Variants in DSCAM observed in about 807,000 individuals in gnomAD.
DSCAM encodes DS cell adhesion molecule.
In DSCAM, 47 loss-of-function variants were observed where a neutral mutation model predicts 217.7. The ratio of observed to expected loss-of-function variants is 0.22; its 90% CI spans 0.17 to 0.28. The LOEUF (loss-of-function observed/expected upper bound fraction) is 0.28. DSCAM is among the 10% of genes least tolerant of loss of function. The pLI is 1.00. For missense variants in DSCAM, 2,080 were observed against 2,618.3 expected, an observed-to-expected ratio of 0.79 and a Z score of 4.49; for synonymous variants, 1,056 against 1,015.3, an observed-to-expected ratio of 1.04 and a Z score of -0.76.
intron 3 of DSCAM, among the ~76,000 whole-genome samples, chr21:40,605,468 C>T (rs891514365): frequency 6.6e-5 from 10 of 152,118 alleles, no homozygotes; most frequent in South Asian, 2.1e-4. Context: ...CTTTTTCTTA[C>T]GAAGGGCCAA....
chr21:40,242,932 G>A (rs142661483), intron 11 of DSCAM, among the ~76,000 whole-genome samples: 5 of 152,226 alleles, frequency 3.3e-5, no homozygotes, highest in African/African-American at 9.6e-5. Flanking sequence ...TTCCAGCCAC[G>A]ACCAGGTCCT....
At chr21:40,764,834 G>A (rs2091371473) in intron 1 of DSCAM, among the ~76,000 whole-genome samples, 2 of 152,124 alleles carry the variant, frequency 1.3e-5, no homozygotes, top group African/African-American at 2.4e-5. Flanking sequence ...ATCATCCTCA[G>A]CAAACTAACA....
rs1174709036 is a variant in DSCAM at position 40,648,277 on chromosome 21, ACACACT to A, written c.508+44527_508+44532del. 6.5e-4 allele frequency among the ~76,000 whole-genome samples: 93 copies of A among 144,128 alleles called. No individual in the cohort carries two copies. In the East Asian group the frequency reaches 0.011, roughly 16 times the overall value. The allele number at this position is 144,128 out of a possible 152,430, so 94.6% of individuals were successfully genotyped here. A position where few individuals can be genotyped will look rare whatever the true frequency, so the allele number is the denominator to read the frequency against. On this transcript the variant is annotated intron_variant, in intron 3 of 32. Coordinates refer to ENST00000400454, the MANE Select transcript of DSCAM (RefSeq NM_001389.5). ...CACACACACACACACACACACACAC[ACACACT>A]CACACACTGCTCAGCAAGTTTCTGA...
intron 10 of DSCAM, among the ~76,000 whole-genome samples, chr21:40,283,599 A>G (rs2073790633): frequency 2.0e-5 from 3 of 152,216 alleles, no homozygotes; most frequent in Admixed American, 1.3e-4. Context: ...TTCACTGTTA[A>G]GTCTTTGCTG....
chr21:40,185,924 C>G (rs1345733647), intron 14 of DSCAM, among the ~76,000 whole-genome samples: 1 of 152,130 alleles, frequency 6.6e-6, no homozygotes, highest in Admixed American at 6.5e-5. Context: ...GTCCAATCAA[C>G]CCCGGAAGGC....
intron 3 of DSCAM, among the ~76,000 whole-genome samples, chr21:40,512,535 G>A (rs556692602): frequency 6.6e-6 from 1 of 152,214 alleles, no homozygotes; most frequent in East Asian, 1.9e-4. Context: ...CTGTCTTCAC[G>A]TTTGCGGCAT....
chr21:40,375,567 T>C (rs776130259), intron 3 of DSCAM, among the ~76,000 whole-genome samples: 8 of 152,246 alleles, frequency 5.3e-5, no homozygotes, highest in Non-Finnish European at 8.8e-5. Context: ...TCATGGTCAT[T>C]CATGATGAGA....
intron 20 of DSCAM, among the ~76,000 whole-genome samples, chr21:40,113,563 G>A (rs992317382): frequency 1.3e-5 from 2 of 152,194 alleles, no homozygotes; most frequent in Non-Finnish European, 2.9e-5. Flanking sequence ...TCTGGCCAGG[G>A]CATTCAGGCA....
intron 1 of DSCAM, among the ~76,000 whole-genome samples, chr21:40,767,613 A>G (rs1284445091): frequency 6.6e-6 from 1 of 152,216 alleles, no homozygotes; most frequent in Non-Finnish European, 1.5e-5. Context: ...GCAAAGTATC[A>G]GCCTGTCGTA....
intron 3 of DSCAM, among the ~76,000 whole-genome samples, chr21:40,535,905 G>A (rs796524337): frequency 6.8e-6 from 1 of 147,418 alleles, no homozygotes; most frequent in East Asian, 2.0e-4. Context: ...CATGGATCAT[G>A]ATTTGGGAGA....
rs753704401 is a variant in DSCAM at position 40,080,352 on chromosome 21, G to A, written c.4232-12C>T. 1 of 1,569,002 alleles carries A rather than the reference G, an allele frequency of 6.4e-7. No individual in the cohort carries two copies. ...CTGCAGTATGTATCCTGCAGAGAAT[G>A]AGAAAGATTCACATGAGCACTGTGT... On this transcript the variant is annotated splice_polypyrimidine_tract_variant and intron_variant, in intron 24 of 32. Transcript: ENST00000400454.
intron 32 of DSCAM, among the ~76,000 whole-genome samples, chr21:40,039,912 A>T (rs1031499596): frequency 6.6e-6 from 1 of 152,202 alleles, no homozygotes; most frequent in African/African-American, 2.4e-5. Flanking sequence ...AAGACTATAA[A>T]CAGAAACAGA....
intron 11 of DSCAM, among the ~76,000 whole-genome samples, chr21:40,227,903 T>C (rs932245203): frequency 1.3e-5 from 2 of 152,318 alleles, no homozygotes; most frequent in Admixed American, 1.3e-4. Flanking sequence ...GTCCCTGGTT[T>C]GTTTCAAGAT....
At chr21:40,675,014 A>AAC (rs375640720) in intron 3 of DSCAM, among the ~76,000 whole-genome samples, 5,320 of 129,112 alleles carry the variant, frequency 0.041, 173 homozygotes, top group Admixed American at 0.13. Context: ...TCATTATATA[A>AAC]ACACACACAC....
intron 3 of DSCAM, among the ~76,000 whole-genome samples, chr21:40,596,227 A>G (rs1426034499): frequency 1.3e-5 from 2 of 152,194 alleles, no homozygotes; most frequent in Non-Finnish European, 1.5e-5. Flanking sequence ...TGTTTTAGAA[A>G]AACACTAAAG....
chr21:40,734,797 G>A (rs2091046918), intron 1 of DSCAM, among the ~76,000 whole-genome samples: 1 of 152,144 alleles, frequency 6.6e-6, no homozygotes, highest in African/African-American at 2.4e-5. Context: ...GACTCTGAGG[G>A]TTGTTTTCCT....
At chr21:40,273,488 G>A (rs1332717613) in intron 11 of DSCAM, among the ~76,000 whole-genome samples, 1 of 152,182 alleles carries the variant, frequency 6.6e-6, no homozygotes, top group African/African-American at 2.4e-5. Context: ...CGAACAGAGA[G>A]TTACTCTTGC....
intron 29 of DSCAM, among the ~76,000 whole-genome samples, chr21:40,054,785 G>A (rs550675895): frequency 5.3e-5 from 8 of 152,332 alleles, no homozygotes; most frequent in Admixed American, 2.0e-4. Context: ...ACAGCATGGC[G>A]GTGAGTGTGG....
At chr21:40,813,402 T>C (rs1216238229) in intron 1 of DSCAM, among the ~76,000 whole-genome samples, 5 of 152,168 alleles carry the variant, frequency 3.3e-5, no homozygotes, top group Non-Finnish European at 7.4e-5. Context: ...CATTAGATTG[T>C]CTATTTGGCA....
Sources: allele counts gnomAD v4.1 joint callset (sites outside exome capture counted in the v4.1 genomes callset), GRCh38; gene constraint gnomAD v4.1.1; transcripts MANE v1.5; gene names NCBI Gene and HGNC (gene_info 2026-07-23, HGNC 2026-07-21).